Variants in CPNE4 observed in about 807,000 individuals in gnomAD.
CPNE4 encodes the protein copine-4.
Under a neutral mutation model 67.9 loss-of-function variants are expected in CPNE4, and 25 were observed. The observed-to-expected ratio is 0.37, with a 90% CI of 0.27 to 0.51. The LOEUF (loss-of-function observed/expected upper bound fraction) is 0.51. Among genes scored for constraint, CPNE4 ranks in the 20% least tolerant of loss-of-function variants. CPNE4 has a pLI of 0.93. For synonymous variants in CPNE4, 242 were observed against 244.9 expected (o/e 0.99, Z 0.11); for missense variants, 464 against 690.8 (o/e 0.67, Z 3.68).
At chr3:131,935,723 G>C (rs1219661766) in intron 1 of CPNE4, among the ~76,000 whole-genome samples, 2 of 152,052 alleles carry the variant, frequency 1.3e-5, no homozygotes, top group African/African-American at 4.8e-5. Flanking sequence ...GCTTCTGCTT[G>C]AGGAGGCATA....
chr3:131,861,265 T>C lies in CPNE4; in HGVS notation c.180+43999A>G, dbSNP rs1583347076. On this transcript the variant is annotated intron_variant, in intron 2 of 15. Coordinates refer to ENST00000429747, the MANE Select transcript of CPNE4 (RefSeq NM_130808.3). ...TTGTGCTTTCAAAAAGTTTATAGAA[T>C]AAGTGCTCAGGACTGAGTCTGATTC... Among the ~76,000 whole-genome samples, 4 of 152,348 alleles carry C rather than the reference T, an allele frequency of 2.6e-5. No individual in the cohort carries two copies. In the East Asian group the frequency reaches 7.7e-4, roughly 29 times the overall value.
chr3:131,957,523 T>C (rs1027466454), intron 1 of CPNE4, among the ~76,000 whole-genome samples: 1 of 152,184 alleles, frequency 6.6e-6, no homozygotes, highest in Non-Finnish European at 1.5e-5. Flanking sequence ...TGAAAAGATA[T>C]AGAATTAAAA....
intron 1 of CPNE4, among the ~76,000 whole-genome samples, chr3:132,029,882 CAT>C (rs1373727511): frequency 1.8e-5 from 2 of 110,834 alleles, no homozygotes; most frequent in African/African-American, 6.8e-5. Flanking sequence ...TGTAAACACT[CAT>C]AAACTCTCTT....
intron 7 of CPNE4, among the ~76,000 whole-genome samples, chr3:131,618,827 A>G (rs1365344075): frequency 1.3e-5 from 2 of 152,144 alleles, no homozygotes; most frequent in African/African-American, 4.8e-5. Context: ...GCCCATGACT[A>G]CCGGCTGACT....
At chr3:131,637,062 T>C (rs2369130) in intron 7 of CPNE4, among the ~76,000 whole-genome samples, 44,248 of 151,746 alleles carry the variant, frequency 0.29, 9,940 homozygotes, top group African/African-American at 0.63. Flanking sequence ...CCCAGATCTT[T>C]CCTCTGACAT....
chr3:131,819,728 A>T (rs937425628), intron 2 of CPNE4, among the ~76,000 whole-genome samples: 1 of 152,208 alleles, frequency 6.6e-6, no homozygotes, highest in African/African-American at 2.4e-5. Context: ...GAAAATGTGT[A>T]AAAGCTGACA....
chr3:131,698,317 C>A (rs925949158), intron 4 of CPNE4, among the ~76,000 whole-genome samples: 2 of 149,652 alleles, frequency 1.3e-5, no homozygotes, highest in African/African-American at 4.9e-5. Flanking sequence ...CAGGATATCT[C>A]AGAGAAAATA....
upstream of CPNE4, chr3:132,037,554 C>T (rs1435648269): frequency 3.9e-6 from 6 of 1,535,374 alleles, no homozygotes; most frequent in Admixed American, 5.9e-5. Context: ...CTCTATCACT[C>T]ACCTCCTCCC....
chr3:131,822,907 G>A (rs542642232), intron 2 of CPNE4, among the ~76,000 whole-genome samples: 11 of 152,058 alleles, frequency 7.2e-5, no homozygotes, highest in South Asian at 2.1e-4. Flanking sequence ...GTGCGATCTC[G>A]GCTCACCTGC....
chr3:131,950,485 G>C (rs1205210029), intron 1 of CPNE4, among the ~76,000 whole-genome samples: 1 of 151,988 alleles, frequency 6.6e-6, no homozygotes, highest in Non-Finnish European at 1.5e-5. Context: ...TGAAAAATGG[G>C]AGAAGAAGGC....
chr3:131,791,476 T>G (rs946863805), intron 2 of CPNE4, among the ~76,000 whole-genome samples: 21 of 152,178 alleles, frequency 1.4e-4, no homozygotes, highest in African/African-American at 5.1e-4. Context: ...ATCCATTTTC[T>G]CAACACCTAA....
chr3:131,975,801 C>T (rs951652516), intron 1 of CPNE4, among the ~76,000 whole-genome samples: 4 of 151,958 alleles, frequency 2.6e-5, no homozygotes, highest in Non-Finnish European at 4.4e-5. Flanking sequence ...GATATGTATG[C>T]CTAGTGTACG....
Position 131,723,461 on chromosome 3 carries a change from C to A in CPNE4, c.345G>T (p.Glu115Asp). 1 of 1,612,890 alleles carries A rather than the reference C, an allele frequency of 6.2e-7. No homozygotes were observed. The highest frequency in any genetic ancestry group is 1.3e-5 in the African/African-American group (1 of 75,014). Reference protein sequence around the residue: ...LKEADFLGGMECTLGQIVSQR... With the variant: ...LKEADFLGGMDCTLGQIVSQR... ...GTTGACCCACCTGGCCAAGTGTGCACTCCATGCCACCAAGGAAGTCGGCCT... is the reference window on the plus strand; with the variant it reads ...GTTGACCCACCTGGCCAAGTGTGCAATCCATGCCACCAAGGAAGTCGGCCT... The change falls in exon 3 of 16, where the codon GAG becomes GAT. Residue 115 changes from glutamate (E) to aspartate (D), a missense_variant. Glu to Asp is a conservative substitution (Grantham distance 45). This residue lies in a region of CPNE4 where 170 missense variants were observed against 203.3 expected (regional missense o/e 0.84). Transcript: ENST00000429747.
At chr3:131,692,510 T>C (rs1458013338) in intron 5 of CPNE4, among the ~76,000 whole-genome samples, 1 of 152,188 alleles carries the variant, frequency 6.6e-6, no homozygotes, top group Non-Finnish European at 1.5e-5. Context: ...CAGCAAACTA[T>C]GGCACATGAG....
At chr3:131,723,710 C>T in intron 2 of CPNE4, 85 bp from the exon 3 acceptor site, 1 of 1,245,254 alleles carries the variant, frequency 8.0e-7, no homozygotes, top group Non-Finnish European at 1.1e-6. Context: ...GAGCACTTCC[C>T]TTCTTCCCAA....
At chr3:131,661,692 A>T (rs1176317650) in intron 7 of CPNE4, among the ~76,000 whole-genome samples, 1 of 152,190 alleles carries the variant, frequency 6.6e-6, no homozygotes, top group Non-Finnish European at 1.5e-5. Context: ...AGAAGGCCAT[A>T]AAGAAAGCAC....
chr3:131,650,238 A>AC (rs2079774459), intron 7 of CPNE4, among the ~76,000 whole-genome samples: 1 of 152,232 alleles, frequency 6.6e-6, no homozygotes, highest in Non-Finnish European at 1.5e-5. Flanking sequence ...CATATATGAC[A>AC]TAAAAAATAA....
At chr3:131,728,030 TTGTA>T (rs141059091) in intron 2 of CPNE4, among the ~76,000 whole-genome samples, 3,583 of 152,308 alleles carry the variant, frequency 0.024, 58 homozygotes, top group Non-Finnish European at 0.037. Flanking sequence ...GTACAATCCT[TTGTA>T]TGGGCATGTA....
chr3:132,004,447 GACA>G (rs1312759414), intron 1 of CPNE4, among the ~76,000 whole-genome samples: 4 of 152,076 alleles, frequency 2.6e-5, no homozygotes, highest in African/African-American at 4.8e-5. Context: ...GAAAGATGCA[GACA>G]ACAATTTTCA....
Sources: gnomAD v4.1 joint callset for allele counts (sites outside exome capture counted in the v4.1 genomes callset) on GRCh38, gnomAD v4.1.1 for gene constraint, gnomAD v4.1.1 regional missense constraint, MANE v1.5 for transcripts, NCBI Gene and HGNC (gene_info 2026-07-23, HGNC 2026-07-21) for gene names.